DENND2A: variants seen among roughly 807,000 people sequenced by gnomAD.
The protein encoded by DENND2A is DENN domain containing 2A, also known as DENN domain-containing protein 2A.
DENND2A carries 53 observed loss-of-function variants against 105.3 expected under a neutral mutation model. The observed-to-expected ratio is 0.50, with a 90% confidence interval of 0.40 to 0.63. The LOEUF (loss-of-function observed/expected upper bound fraction) is 0.63. Among genes scored for constraint, DENND2A ranks in the 30% least tolerant of loss-of-function variants. DENND2A has a pLI of 0.00. For synonymous variants in DENND2A, 522 were observed against 508.4 expected, an observed-to-expected ratio of 1.03 and a Z score of -0.36; for missense variants, 1,138 against 1,279.6, an observed-to-expected ratio of 0.89 and a Z score of 1.69.
In DENND2A at chr7:140,518,446, A is replaced by T; in HGVS notation, c.*261T>A. ...ATTTTTCTTACTTTTAATATCTAAGATAAAAAAAAAAACCCAACCACCAAA... is the reference window on the plus strand; with the variant it reads ...ATTTTTCTTACTTTTAATATCTAAGTTAAAAAAAAAAACCCAACCACCAAA... On this transcript the variant is annotated 3_prime_UTR_variant, in exon 20 of 20. Coordinates refer to ENST00000496613, the MANE Select transcript of DENND2A (RefSeq NM_015689.5). 1 of 408,218 alleles carries T rather than the reference A, an allele frequency of 2.4e-6. No homozygotes were observed. The highest frequency in any genetic ancestry group is 4.3e-5 in the Admixed American group (1 of 23,348). 25.3% of individuals were successfully genotyped at this position (408,218 alleles called of 1,614,324 possible).
At position 140,569,753 on chromosome 7, in the gene DENND2A, GAGA is replaced by G. The variant is rs1421295309; in HGVS notation, c.1447-18_1447-16del. 3.2e-6 allele frequency: 5 copies of G among 1,583,216 alleles called. No individual in the cohort carries two copies. The highest frequency in any genetic ancestry group is 3.5e-6 in the Non-Finnish European group (4 of 1,152,360). On this transcript the variant is annotated splice_polypyrimidine_tract_variant and intron_variant, in intron 6 of 19. Transcript: ENST00000496613. ...CGCAACACCAGCTGCCAGACACCAGGAGAAGAACAGCCAGTGTTAGCAGCCCAC... is the reference window on the plus strand; with the variant it reads ...CGCAACACCAGCTGCCAGACACCAGGAGAACAGCCAGTGTTAGCAGCCCAC...
In DENND2A at chr7:140,610,736, C is replaced by T. The variant is rs1314056668; in HGVS notation, c.-247-4930G>A. ...AGAGGAAATAAACAAGATCAGGTCC[C>T]AAGGGCAGTTCTCACAGGAGCGGCT... On this transcript the variant is annotated intron_variant, in intron 1 of 19. Transcript: ENST00000496613. Among the ~76,000 whole-genome samples the T allele has an allele frequency of 2.0e-5, 3 of 152,316 alleles. No individual in the cohort carries two copies. In the East Asian group the frequency reaches 5.8e-4, roughly 29 times the overall value.
At chr7:140,520,250 G>C (rs1235080204) in intron 18 of DENND2A, among the ~76,000 whole-genome samples, 3 of 151,632 alleles carry the variant, frequency 2.0e-5, no homozygotes. Context: ...AGGTTGCAGT[G>C]AGCCAAGGTC....
Position 140,523,563 on chromosome 7 carries a change from G to A in DENND2A, c.2548-139C>T, listed in dbSNP as rs1795938910. ...GAATACAACTGAAAGCCAGAGGTCT[G>A]AGGTTTCAATCTTGAGCCTACTTTT... On this transcript the variant is annotated intron_variant, in intron 16 of 19. Transcript: ENST00000496613. The surrounding 1 kb of genome is among the most constrained non-coding windows in gnomAD (Gnocchi z 4.5). 1.4e-6 allele frequency: 1 copy of A among 697,656 alleles called. No homozygotes were observed. The highest frequency in any genetic ancestry group is 2.4e-6 in the Non-Finnish European group (1 of 417,540). The allele number at this position is 697,656 out of a possible 1,614,324, so 43.2% of individuals were successfully genotyped here. A position where few individuals can be genotyped will look rare whatever the true frequency, so the allele number is the denominator to read the frequency against.
At chr7:140,626,110 G>T (rs1046820318) in intron 1 of DENND2A, among the ~76,000 whole-genome samples, 3 of 152,154 alleles carry the variant, frequency 2.0e-5, no homozygotes, top group African/African-American at 7.2e-5. Context: ...CTGACTCCAG[G>T]GTCCAGGTGC....
chr7:140,563,680 A>T (rs1261795393), intron 9 of DENND2A, among the ~76,000 whole-genome samples: 1 of 52,368 alleles, frequency 1.9e-5, no homozygotes, highest in African/African-American at 4.2e-5. Context: ...TTGCATTAAA[A>T]AAAAAAAAAA....
chr7:140,576,523 G>A (rs1208042468), intron 5 of DENND2A, among the ~76,000 whole-genome samples: 3 of 151,934 alleles, frequency 2.0e-5, no homozygotes, highest in Non-Finnish European at 4.4e-5. Context: ...AACTTATGAG[G>A]CCACATTTAT....
At chr7:140,564,280 C>G (rs1459918312) in intron 9 of DENND2A, among the ~76,000 whole-genome samples, 1 of 128,392 alleles carries the variant, frequency 7.8e-6, no homozygotes, top group South Asian at 2.6e-4. Flanking sequence ...GAGACTGTGT[C>G]AAAAAAAAAA....
chr7:140,541,368 A>G lies in DENND2A; in HGVS notation c.2327+3250T>C, dbSNP rs561726628. 5.9e-5 allele frequency among the ~76,000 whole-genome samples: 9 copies of G among 151,954 alleles called. 1 individual carries two copies. The highest frequency in any genetic ancestry group is 4.1e-4 in the South Asian group (2 of 4,824). On this transcript the variant is annotated intron_variant, in intron 14 of 19. Transcript: ENST00000496613. The stretch of plus-strand genomic sequence containing the variant: ...ATCTTCTCAGGGTGGGTCCTCCCCA[A>G]GTCTAGCATCTTCACCCCGCAGGCA...
chr7:140,570,200 A>T (rs113260266), intron 6 of DENND2A, among the ~76,000 whole-genome samples: 4,930 of 152,096 alleles, frequency 0.032, 251 homozygotes, highest in African/African-American at 0.11. Context: ...CAGCCCAGTC[A>T]TTTTTTTCTA....
intron 3 of DENND2A, among the ~76,000 whole-genome samples, chr7:140,595,651 C>G (rs772535470): frequency 9.9e-5 from 15 of 151,996 alleles, no homozygotes; most frequent in Non-Finnish European, 2.1e-4. Flanking sequence ...TGCCTGTGGT[C>G]GCAACTACTC....
intron 3 of DENND2A, among the ~76,000 whole-genome samples, chr7:140,598,408 A>G (rs1339754155): frequency 6.6e-6 from 1 of 152,246 alleles, no homozygotes; most frequent in East Asian, 1.9e-4. Flanking sequence ...GGGGCGAAGT[A>G]AGACTGTACG....
At chr7:140,586,576 G>T (rs183060831) in intron 4 of DENND2A, among the ~76,000 whole-genome samples, 4 of 152,096 alleles carry the variant, frequency 2.6e-5, no homozygotes, top group East Asian at 3.9e-4. Context: ...AAATAAAAAA[G>T]AAAGAAAGAA....
intron 1 of DENND2A, among the ~76,000 whole-genome samples, chr7:140,639,274 C>G (rs1801083710): frequency 6.7e-6 from 1 of 149,176 alleles, no homozygotes; most frequent in African/African-American, 2.4e-5. Flanking sequence ...ATTGCTTGAA[C>G]TCCGGGGGCT....
intron 4 of DENND2A, 129 bp from the exon 5 acceptor site, chr7:140,585,839 A>T (rs1041492596): frequency 1.5e-6 from 2 of 1,321,514 alleles, no homozygotes; most frequent in African/African-American, 2.9e-5. Context: ...TTTGCCATCC[A>T]TGCGCCCCTC....
chr7:140,534,790 T>C (rs1263841889), intron 14 of DENND2A, among the ~76,000 whole-genome samples: 1 of 152,162 alleles, frequency 6.6e-6, no homozygotes, highest in Non-Finnish European at 1.5e-5. Flanking sequence ...TGGCTTGCAT[T>C]ACAGTGGTGT....
chr7:140,591,127 T>A (rs2130658651), intron 3 of DENND2A, among the ~76,000 whole-genome samples: 1 of 151,748 alleles, frequency 6.6e-6, no homozygotes, highest in South Asian at 2.1e-4. Context: ...CAAGACCCTG[T>A]CTCTATAAAA....
At chr7:140,576,385 T>G (rs944698886) in intron 5 of DENND2A, among the ~76,000 whole-genome samples, 1 of 152,188 alleles carries the variant, frequency 6.6e-6, no homozygotes, top group African/African-American at 2.4e-5. Flanking sequence ...TCTTCCAGAT[T>G]TTCTTGGTTT....
chr7:140,538,937 C>A (rs1292423588), intron 14 of DENND2A, among the ~76,000 whole-genome samples: 1 of 152,118 alleles, frequency 6.6e-6, no homozygotes, highest in East Asian at 1.9e-4. Context: ...GATTCTCCTG[C>A]CTCAGCCTCC....
Sources: allele counts gnomAD v4.1 joint callset (sites outside exome capture counted in the v4.1 genomes callset), GRCh38; gene constraint gnomAD v4.1.1; non-coding constraint Gnocchi (gnomAD v3.1); transcripts MANE v1.5; gene names NCBI Gene and HGNC (gene_info 2026-07-23, HGNC 2026-07-21).